LTO1: variants seen among roughly 807,000 people sequenced by gnomAD.
LTO1 encodes the protein protein LTO1 homolog.
A neutral mutation model predicts 19.8 loss-of-function variants in LTO1; 18 were observed. The observed-to-expected ratio is 0.91, with a 90% CI of 0.63 to 1.35. LTO1 has a LOEUF of 1.35. Among genes scored for constraint, LTO1 ranks in the 40% most tolerant of loss-of-function variants. The pLI is 0.00. For synonymous variants in LTO1, 59 were observed against 59.6 expected, an observed-to-expected ratio of 0.99 and a Z score of 0.05; for missense variants, 175 against 167.9, an observed-to-expected ratio of 1.04 and a Z score of -0.23.
At chr11:69,668,260 G>T in intron 3 of LTO1, 1 of 407,782 alleles carries the variant, frequency 2.5e-6, no homozygotes, top group Non-Finnish European at 4.5e-6. Context: ...TTCCGACCAC[G>T]GGGCCAAGGG....
chr11:69,670,970 A>G (rs1222513428), intron 3 of LTO1, among the ~76,000 whole-genome samples: 1 of 152,184 alleles, frequency 6.6e-6, no homozygotes, highest in African/African-American at 2.4e-5. Context: ...GCATTATCTC[A>G]GCTCACTGCA....
rs1207569591 is a variant in LTO1 at position 69,667,454 on chromosome 11, G to A, written c.*65C>T. On this transcript the variant is annotated 3_prime_UTR_variant, in exon 5 of 5. Transcript: ENST00000279147. ...TCCCAGCACCGTCTGGCCCTTCACC[G>A]CATTTCTAAACACGTCACACACACA... The A allele has an allele frequency of 2.1e-5, 23 of 1,088,816 alleles. No individual in the cohort carries two copies. The East Asian group carries it at 2.1e-4, about 10-fold the overall frequency. The allele number at this position is 1,088,816 out of a possible 1,614,324, so 67.4% of individuals were successfully genotyped here.
At position 69,671,812 on chromosome 11, in the gene LTO1, C is replaced by T; in HGVS notation, c.164G>A (p.Cys55Tyr). 3 of 1,582,800 alleles carry T rather than the reference C, an allele frequency of 1.9e-6. No homozygotes were observed. Among genetic ancestry groups the T allele is most frequent in the Non-Finnish European group, 2.6e-6 (3 of 1,151,424 alleles). The change falls in exon 3 of 5, where the codon TGC becomes TAC. Residue 55 changes from cysteine (C) to tyrosine (Y), a missense_variant. Cys to Tyr is a radical substitution (Grantham distance 194, BLOSUM62 -2). Transcript: ENST00000279147. The stretch of plus-strand genomic sequence containing the variant: ...CCATGCAAAAGCAAAACCTTGGTAG[C>T]ACCCGATCTGTGAATGTGAAAAATA... ...HGAKIGSEIG[C>Y]YQGFAFAWKC...
At position 69,673,122 on chromosome 11, in the gene LTO1, G is replaced by T. The variant is rs759520858; in HGVS notation, c.156+94C>A. 7.8e-5 allele frequency: 65 copies of T among 832,172 alleles called. No homozygotes were observed. In the African/African-American group the frequency reaches 1.1e-3, roughly 14 times the overall value. 51.5% of individuals were successfully genotyped at this position (832,172 alleles called of 1,614,324 possible). A position where few individuals can be genotyped will look rare whatever the true frequency, so the allele number is the denominator to read the frequency against. On this transcript the variant is annotated intron_variant, in intron 2 of 4. Coordinates refer to ENST00000279147, the MANE Select transcript of LTO1 (RefSeq NM_153451.3). Reference sequence around the variant, plus strand: ...CCATCCGGCACTGTGATTTTAAAAGGCCTGACAATTCTTACTCCATCACAC... The same window carrying T: ...CCATCCGGCACTGTGATTTTAAAAGTCCTGACAATTCTTACTCCATCACAC...
At position 69,675,249 on chromosome 11, in the gene LTO1, C is replaced by T. The variant is rs544944792; in HGVS notation, c.-10G>A. The T allele has an allele frequency of 4.7e-6, 7 of 1,493,380 alleles. No homozygotes were observed. The South Asian group carries it at 8.2e-5, about 18-fold the overall frequency. 92.5% of individuals were successfully genotyped at this position (1,493,380 alleles called of 1,614,324 possible). A position where few individuals can be genotyped will look rare whatever the true frequency, so the allele number is the denominator to read the frequency against. ...CCTGACTGCCAGCCATAGCGGCAAG[C>T]AGCCCGCCCTTGGCCCCCGGGTTTC... On this transcript the variant is annotated 5_prime_UTR_variant, in exon 1 of 5. Coordinates refer to ENST00000279147, the MANE Select transcript of LTO1 (RefSeq NM_153451.3).
intron 3 of LTO1, chr11:69,671,350 C>CCT (rs1363726795): frequency 2.2e-5 from 4 of 178,722 alleles, no homozygotes; most frequent in African/African-American, 9.4e-5. Context: ...ACACTGGTGT[C>CCT]CTCATCTCTG....
In LTO1 at chr11:69,671,587, T is replaced by C. The variant is rs73522778; in HGVS notation, c.227+162A>G. 7,119 of 599,318 alleles carry C rather than the reference T, an allele frequency of 0.012. 364 individuals are homozygous for C. In the African/African-American group the frequency reaches 0.12, roughly 10 times the overall value. The allele number at this position is 599,318 out of a possible 1,614,324, so 37.1% of individuals were successfully genotyped here. A position where few individuals can be genotyped will look rare whatever the true frequency, so the allele number is the denominator to read the frequency against. ...TGTGCCTGGCACTTTCTATTTAGTA[T>C]TTCCGTTAAATCTCCTAACAACACT... On this transcript the variant is annotated intron_variant, in intron 3 of 4. Coordinates refer to ENST00000279147, the MANE Select transcript of LTO1 (RefSeq NM_153451.3).
Position 69,667,847 on chromosome 11 carries a change from A to G in LTO1, c.345+48T>C, listed in dbSNP as rs780842115. The G allele has an allele frequency of 4.1e-6, 4 of 975,182 alleles. No individual in the cohort carries two copies. In the South Asian group the frequency reaches 5.1e-5, roughly 12 times the overall value. 60.4% of individuals were successfully genotyped at this position (975,182 alleles called of 1,614,324 possible). On this transcript the variant is annotated intron_variant, in intron 4 of 4. Coordinates refer to ENST00000279147, the MANE Select transcript of LTO1 (RefSeq NM_153451.3). ...GGGAGTGCGCTGCCCCGCCTGGGAA[A>G]GGCGCAATCAGGTGCTCCTAGCAGG... is the stretch of plus-strand genomic sequence containing the variant.
At chr11:69,674,318 T>C (rs1041961091) in intron 1 of LTO1, among the ~76,000 whole-genome samples, 1 of 152,118 alleles carries the variant, frequency 6.6e-6, no homozygotes, top group Non-Finnish European at 1.5e-5. Context: ...CAGAGAGAAA[T>C]GGCATCAGAT....
chr11:69,670,841 G>A (rs1454188505), intron 3 of LTO1, among the ~76,000 whole-genome samples: 2 of 152,184 alleles, frequency 1.3e-5, no homozygotes, highest in African/African-American at 4.8e-5. Flanking sequence ...TCAGAATGAA[G>A]ATAGATAAAG....
At chr11:69,668,033 G>C (rs1182278140) in intron 3 of LTO1, 21 bp from the exon 4 acceptor site, 10 of 1,183,046 alleles carry the variant, frequency 8.5e-6, no homozygotes, top group Non-Finnish European at 1.3e-5. Context: ...CAGAAATACA[G>C]ACTCTCAGTC....
At position 69,667,187 on chromosome 11, in the gene LTO1, C is replaced by A; in HGVS notation, c.*332G>T. On this transcript the variant is annotated 3_prime_UTR_variant, in exon 5 of 5. Coordinates refer to ENST00000279147, the MANE Select transcript of LTO1 (RefSeq NM_153451.3). The stretch of plus-strand genomic sequence containing the variant: ...ATAATAAAAATAACTGCCTTCAGTC[C>A]AGGCCTGGTGACTGACCCTATCCAG... 3.1e-6 allele frequency: 1 copy of A among 324,824 alleles called. No homozygotes were observed. The highest frequency in any genetic ancestry group is 8.3e-5 in the South Asian group (1 of 12,032). The allele number at this position is 324,824 out of a possible 1,614,324, so 20.1% of individuals were successfully genotyped here.
At position 69,667,302 on chromosome 11, in the gene LTO1, C is replaced by T. The variant is rs1856046156; in HGVS notation, c.*217G>A. 1.7e-6 allele frequency: 1 copy of T among 579,620 alleles called. No homozygotes were observed. The highest frequency in any genetic ancestry group is 1.9e-5 in the African/African-American group (1 of 53,126). The allele number at this position is 579,620 out of a possible 1,614,324, so 35.9% of individuals were successfully genotyped here. On this transcript the variant is annotated 3_prime_UTR_variant, in exon 5 of 5. Transcript: ENST00000279147. ...AGGGCTCTGCCAGGGACGGCTTCAG[C>T]CCAACAAAGGGCATGTGTGGCGAGG...
At position 69,673,689 on chromosome 11, in the gene LTO1, C is replaced by CTT. The variant is rs71046532; in HGVS notation, c.51-370_51-369dup. ...CCCTGGAATCTACTTTTCTTTCTTC[C>CTT]TTTTTTTTTTTTTTTTTTTTGAGAC... On this transcript the variant is annotated intron_variant, in intron 1 of 4. Transcript: ENST00000279147. Among the ~76,000 whole-genome samples, 1,203 of 121,176 alleles carry CTT rather than the reference C, an allele frequency of 9.9e-3. 19 individuals carry two copies. Among genetic ancestry groups the CTT allele is most frequent in the East Asian group, 0.014 (55 of 4,068 alleles). The allele number at this position is 121,176 out of a possible 152,430, so 79.5% of individuals were successfully genotyped here.
intron 2 of LTO1, chr11:69,672,560 C>A: frequency 6.4e-6 from 1 of 155,656 alleles, no homozygotes; most frequent in Non-Finnish European, 1.4e-5. Flanking sequence ...GAAATTTCAA[C>A]GTAAACATAA....
intron 4 of LTO1, 89 bp downstream of exon 4, chr11:69,667,803 CCAT>C: frequency 1.2e-6 from 1 of 800,334 alleles, no homozygotes; most frequent in East Asian, 2.5e-5. Context: ...CAGCCCCAGG[CCAT>C]TGCCGCAGCG....
At position 69,673,237 on chromosome 11, in the gene LTO1, A is replaced by G. The variant is rs149985124; in HGVS notation, c.135T>C (p.His45=). ...TTACCTCAGACCCGATTTTGGCTCC[A>G]TGCAGCGTGCCATGCTGCCTTCCCT... ...VMEGRQHGTL[H]GAKIGSEIGC... The change falls in exon 2 of 5, where the codon CAT becomes CAC. Residue 45 remains histidine, a synonymous_variant. Transcript: ENST00000279147. 562 of 1,611,346 alleles carry G rather than the reference A, an allele frequency of 3.5e-4. 4 individuals carry two copies. The African/African-American group carries it at 6.2e-3, about 18-fold the overall frequency.
chr11:69,674,504 T>C (rs1590925021), intron 1 of LTO1: 19 of 334,620 alleles, frequency 5.7e-5, no homozygotes, highest in South Asian at 4.3e-4. Flanking sequence ...GGAAAGTGAC[T>C]GTGCCTCCTA....
rs1239078258 is a variant in LTO1 at position 69,667,278 on chromosome 11, G to A, written c.*241C>T. ...GAGAGGCTGTCAAGTCAATGCACGAGGGCTCTGCCAGGGACGGCTTCAGCC... is the reference window on the plus strand; with the variant it reads ...GAGAGGCTGTCAAGTCAATGCACGAAGGCTCTGCCAGGGACGGCTTCAGCC... On this transcript the variant is annotated 3_prime_UTR_variant, in exon 5 of 5. Coordinates refer to ENST00000279147, the MANE Select transcript of LTO1 (RefSeq NM_153451.3). 7.2e-6 allele frequency: 4 copies of A among 556,550 alleles called. No individual in the cohort carries two copies. Among genetic ancestry groups the A allele is most frequent in the Non-Finnish European group, 1.3e-5 (4 of 315,758 alleles). The allele number at this position is 556,550 out of a possible 1,614,324, so 34.5% of individuals were successfully genotyped here.
Sources: gnomAD v4.1 joint callset for allele counts (sites outside exome capture counted in the v4.1 genomes callset) on GRCh38, gnomAD v4.1.1 for gene constraint, MANE v1.5 for transcripts, NCBI Gene and HGNC (gene_info 2026-07-23, HGNC 2026-07-21) for gene names.